The following PDE7A variants were observed in gnomAD, a reference collection of about 807,000 sequenced individuals.
PDE7A encodes high affinity 3',5'-cyclic-AMP phosphodiesterase 7A.
PDE7A carries 39 observed loss-of-function variants against 64.3 expected under a neutral mutation model. The observed-to-expected ratio is 0.61, with a 90% CI of 0.47 to 0.79. The LOEUF (loss-of-function observed/expected upper bound fraction) is 0.79. Among genes scored for constraint, PDE7A ranks in the 30% least tolerant of loss-of-function variants. PDE7A has a pLI of 0.00. For missense variants in PDE7A, 470 were observed against 582.8 expected (o/e 0.81, Z 1.99); for synonymous variants, 203 against 206.8 (o/e 0.98, Z 0.16).
At position 65,715,957 on chromosome 8, in the gene PDE7A, A is replaced by G. The variant is rs768426978; in HGVS notation, c.*3333T>C. 1.9e-4 allele frequency among the ~76,000 whole-genome samples: 25 copies of G among 133,860 alleles called. No individual in the cohort carries two copies. Among genetic ancestry groups the G allele is most frequent in the Non-Finnish European group, 3.3e-4 (21 of 64,438 alleles). The allele number at this position is 133,860 out of a possible 152,430, so 87.8% of individuals were successfully genotyped here. On this transcript the variant is annotated 3_prime_UTR_variant, in exon 13 of 13. Transcript: ENST00000401827. ...ACTTGCAGTGAGCCAATATCGCGGC[A>G]CTGCACTCCAGCCTGGGCGACAGAG... is the stretch of plus-strand genomic sequence containing the variant.
intron 7 of PDE7A, among the ~76,000 whole-genome samples, chr8:65,734,438 T>C (rs1240941959): frequency 6.6e-6 from 1 of 152,196 alleles, no homozygotes; most frequent in Admixed American, 6.5e-5. Context: ...AGGATAATTT[T>C]CTAAAGTCTC....
At chr8:65,833,757 A>T (rs575491936) in intron 1 of PDE7A, among the ~76,000 whole-genome samples, 1 of 152,168 alleles carries the variant, frequency 6.6e-6, no homozygotes, top group African/African-American at 2.4e-5. Context: ...TGAGTCCTGG[A>T]GTTCCAGACC....
At chr8:65,800,449 A>T (rs75725700) in intron 1 of PDE7A, among the ~76,000 whole-genome samples, 8,692 of 152,284 alleles carry the variant, frequency 0.057, 356 homozygotes, top group Middle Eastern at 0.11. Flanking sequence ...CCTGTATTGA[A>T]GTATGATTTT....
In PDE7A at chr8:65,841,547, G is replaced by A; in HGVS notation, c.-39C>T. ...CCTGCCTCCGCGCGGCGCCCGCCCT[G>A]CCGCGGCCGCCGGCCCCTGCAGTGG... On this transcript the variant is annotated 5_prime_UTR_variant, in exon 1 of 13. Coordinates refer to ENST00000401827, the MANE Select transcript of PDE7A (RefSeq NM_001242318.3). The A allele has an allele frequency of 2.2e-6, 3 of 1,352,976 alleles. No individual in the cohort carries two copies. Among genetic ancestry groups the A allele is most frequent in the East Asian group, 3.2e-5 (1 of 31,362 alleles). 83.8% of individuals were successfully genotyped at this position (1,352,976 alleles called of 1,614,324 possible). A position where few individuals can be genotyped will look rare whatever the true frequency, so the allele number is the denominator to read the frequency against.
chr8:65,741,052 C>T (rs1043140854), intron 5 of PDE7A, among the ~76,000 whole-genome samples: 3 of 152,176 alleles, frequency 2.0e-5, no homozygotes, highest in African/African-American at 4.8e-5. Context: ...GGAAAAACTA[C>T]CATTTTTATG....
chr8:65,798,204 A>ATTTTT (rs377351893), intron 1 of PDE7A, among the ~76,000 whole-genome samples: 6 of 38,204 alleles, frequency 1.6e-4, no homozygotes, highest in African/African-American at 5.1e-4. Flanking sequence ...ATATATATAT[A>ATTTTT]TATTTTTTTT....
chr8:65,812,112 T>C (rs940450268), intron 1 of PDE7A, among the ~76,000 whole-genome samples: 1 of 150,084 alleles, frequency 6.7e-6, no homozygotes, highest in African/African-American at 2.5e-5. Context: ...GAGTCTGAGG[T>C]GGGAGGATCA....
chr8:65,757,430 T>C (rs926731776), intron 3 of PDE7A, among the ~76,000 whole-genome samples: 2 of 152,134 alleles, frequency 1.3e-5, no homozygotes, highest in African/African-American at 2.4e-5. Flanking sequence ...GTCCAGTCCA[T>C]CATAGTGCAT....
intron 1 of PDE7A, among the ~76,000 whole-genome samples, chr8:65,810,097 C>T (rs1489034100): frequency 2.0e-5 from 3 of 152,118 alleles, no homozygotes; most frequent in African/African-American, 7.2e-5. Flanking sequence ...GGAACCAACC[C>T]AAATGTCCAT....
chr8:65,719,254 C>A lies in PDE7A; in HGVS notation c.*36G>T. 6.8e-7 allele frequency: 1 copy of A among 1,473,124 alleles called. No individual in the cohort carries two copies. Among genetic ancestry groups the A allele is most frequent in the South Asian group, 1.1e-5 (1 of 88,262 alleles). The allele number at this position is 1,473,124 out of a possible 1,614,324, so 91.3% of individuals were successfully genotyped here. A position where few individuals can be genotyped will look rare whatever the true frequency, so the allele number is the denominator to read the frequency against. The stretch of plus-strand genomic sequence containing the variant: ...AGACCCCATTTCACATTTCTAAAAA[C>A]CTCCAGGAGGCAGTTTGTCCCACTG... On this transcript the variant is annotated 3_prime_UTR_variant, in exon 13 of 13. Coordinates refer to ENST00000401827, the MANE Select transcript of PDE7A (RefSeq NM_001242318.3).
At chr8:65,809,011 T>A (rs1810177871) in intron 1 of PDE7A, among the ~76,000 whole-genome samples, 1 of 152,216 alleles carries the variant, frequency 6.6e-6, no homozygotes, top group Non-Finnish European at 1.5e-5. Flanking sequence ...CCTCTACTCC[T>A]AAAGAGGATA....
intron 6 of PDE7A, among the ~76,000 whole-genome samples, chr8:65,738,149 CT>C (rs1226429664): frequency 6.9e-6 from 1 of 144,002 alleles, no homozygotes; most frequent in African/African-American, 2.7e-5. Flanking sequence ...AGCATTATGT[CT>C]TTAAAAAAAA....
intron 1 of PDE7A, among the ~76,000 whole-genome samples, chr8:65,821,049 TG>T (rs1810529800): frequency 6.6e-6 from 1 of 152,214 alleles, no homozygotes; most frequent in East Asian, 1.9e-4. Flanking sequence ...TGCAAATCAG[TG>T]TCATCTGCAT....
At chr8:65,743,624 T>A in intron 5 of PDE7A, among the ~76,000 whole-genome samples, 1 of 152,098 alleles carries the variant, frequency 6.6e-6, no homozygotes, top group East Asian at 1.9e-4. Context: ...AATAATGGAG[T>A]GATACTAAAA....
At chr8:65,722,616 C>G (rs767865808) in intron 12 of PDE7A, 1 of 152,236 alleles carries the variant, frequency 6.6e-6, no homozygotes, top group Non-Finnish European at 1.5e-5. Context: ...CCTTTATACC[C>G]AAAGCCCAAC....
intron 1 of PDE7A, among the ~76,000 whole-genome samples, chr8:65,798,179 C>CATATATATATATATATATATAT (rs1218978698): frequency 8.4e-6 from 1 of 118,906 alleles, no homozygotes; most frequent in East Asian, 2.2e-4. Flanking sequence ...TGTGTGTGTG[C>CATATATATATATATATATATAT]ATATATATAT....
intron 5 of PDE7A, among the ~76,000 whole-genome samples, chr8:65,741,142 T>C (rs1420274501): frequency 1.3e-5 from 2 of 152,212 alleles, no homozygotes; most frequent in Non-Finnish European, 2.9e-5. Flanking sequence ...TAAACTTCCA[T>C]AGGACACATA....
intron 2 of PDE7A, among the ~76,000 whole-genome samples, chr8:65,781,414 G>A (rs925403481): frequency 2.0e-5 from 3 of 152,150 alleles, no homozygotes; most frequent in African/African-American, 7.2e-5. Context: ...CTGAATAGAG[G>A]AGTCAGATGA....
chr8:65,781,555 G>A (rs1400710033), intron 2 of PDE7A, among the ~76,000 whole-genome samples: 1 of 152,172 alleles, frequency 6.6e-6, no homozygotes, highest in Non-Finnish European at 1.5e-5. Context: ...AGATTTGGGT[G>A]TATTTAAAGG....
Sources: allele counts gnomAD v4.1 joint callset (sites outside exome capture counted in the v4.1 genomes callset), GRCh38; gene constraint gnomAD v4.1.1; transcripts MANE v1.5; gene names NCBI Gene and HGNC (gene_info 2026-07-23, HGNC 2026-07-21).